Variants in ROBO2 observed in about 807,000 individuals in gnomAD.
ROBO2 encodes the protein roundabout guidance receptor 2.
A neutral mutation model predicts 160.8 loss-of-function variants in ROBO2; 53 were observed. That is an observed-to-expected ratio of 0.33 (90% CI 0.26 to 0.41). ROBO2 has a LOEUF of 0.41. Ranked by LOEUF, ROBO2 falls within the 10% of genes least tolerant of loss-of-function variation. ROBO2 has a pLI of 1.00. For synonymous variants in ROBO2, 664 were observed against 611.7 expected (o/e 1.09, Z -1.26); for missense variants, 1,577 against 1,722.4 (o/e 0.92, Z 1.49).
At chr3:75,916,447 C>G (rs1332148818) in intron 1 of ROBO2, among the ~76,000 whole-genome samples, 2 of 152,008 alleles carry the variant, frequency 1.3e-5, no homozygotes, top group Admixed American at 1.3e-4. Context: ...TGGTAGGCAA[C>G]AGAATGAAAA....
At chr3:76,579,053 C>T (rs1358790345) in intron 2 of ROBO2, among the ~76,000 whole-genome samples, 1 of 152,122 alleles carries the variant, frequency 6.6e-6, no homozygotes, top group South Asian at 2.1e-4. Context: ...ATTCTTCCCA[C>T]CTTACTTCGA....
chr3:76,245,070 A>G (rs952660182), intron 2 of ROBO2, among the ~76,000 whole-genome samples: 4 of 152,154 alleles, frequency 2.6e-5, no homozygotes, highest in Non-Finnish European at 5.9e-5. Context: ...TTCCTAAAAA[A>G]CTCTGAATTT....
intron 2 of ROBO2, among the ~76,000 whole-genome samples, chr3:77,342,829 T>C (rs961529463): frequency 1.1e-4 from 17 of 152,198 alleles, no homozygotes; most frequent in African/African-American, 4.1e-4. Context: ...TAGCACTGTG[T>C]TCCTCTTATT....
chr3:77,212,658 T>G (rs2084340614), intron 2 of ROBO2, among the ~76,000 whole-genome samples: 1 of 152,188 alleles, frequency 6.6e-6, no homozygotes. Flanking sequence ...GTGCCAGTTT[T>G]CAAAGGGAAT....
At chr3:75,971,221 A>G (rs1165068946) in intron 2 of ROBO2, among the ~76,000 whole-genome samples, 1 of 151,474 alleles carries the variant, frequency 6.6e-6, no homozygotes, top group Non-Finnish European at 1.5e-5. Flanking sequence ...TTATGGTTAA[A>G]TCATGTTCTT....
At chr3:77,192,080 T>G (rs1486204945) in intron 2 of ROBO2, among the ~76,000 whole-genome samples, 1 of 152,138 alleles carries the variant, frequency 6.6e-6, no homozygotes, top group Non-Finnish European at 1.5e-5. Flanking sequence ...AATGTAACAT[T>G]ATTTAGCGAA....
intron 2 of ROBO2, among the ~76,000 whole-genome samples, chr3:76,526,392 A>G (rs978019077): frequency 6.6e-6 from 1 of 151,976 alleles, no homozygotes; most frequent in Admixed American, 6.6e-5. Context: ...CATTTACAAG[A>G]TATTTTACCT....
chr3:76,282,279 A>G (rs1296089266), intron 2 of ROBO2, among the ~76,000 whole-genome samples: 4 of 151,962 alleles, frequency 2.6e-5, no homozygotes, highest in Admixed American at 2.6e-4. Context: ...TTTACTCTTT[A>G]GAAAATGCAC....
chr3:77,037,832 T>G (rs2063729789), upstream of ROBO2, among the ~76,000 whole-genome samples: 2 of 152,224 alleles, frequency 1.3e-5, no homozygotes, highest in Admixed American at 1.3e-4. Flanking sequence ...TGAACCATCT[T>G]AAAATTAAGG....
intron 1 of ROBO2, among the ~76,000 whole-genome samples, chr3:77,086,273 A>G (rs1429661068): frequency 2.0e-5 from 3 of 152,052 alleles, no homozygotes; most frequent in Admixed American, 6.6e-5. Flanking sequence ...GGGAACATTT[A>G]TTGAGTGCTT....
chr3:77,350,207 A>G (rs1207235804), intron 2 of ROBO2, among the ~76,000 whole-genome samples: 3 of 151,512 alleles, frequency 2.0e-5, no homozygotes, highest in Non-Finnish European at 4.4e-5. Context: ...CCAGGAGTTC[A>G]AGACCAGCCT....
intron 2 of ROBO2, among the ~76,000 whole-genome samples, chr3:76,953,664 A>G (rs2079081636): frequency 2.0e-5 from 3 of 152,176 alleles, no homozygotes; most frequent in Admixed American, 2.0e-4. Flanking sequence ...CTGGTTAAGC[A>G]AGTACAGGAT....
intron 2 of ROBO2, among the ~76,000 whole-genome samples, chr3:76,204,652 A>G (rs370736178): frequency 6.6e-6 from 1 of 152,206 alleles, no homozygotes; most frequent in Non-Finnish European, 1.5e-5. Context: ...TAAGTGAGCT[A>G]CAAGGAGAAT....
At chr3:77,549,595 A>G (rs980021153) in intron 7 of ROBO2, among the ~76,000 whole-genome samples, 4 of 152,030 alleles carry the variant, frequency 2.6e-5, no homozygotes, top group South Asian at 2.1e-4. Flanking sequence ...GTGGGCTTAT[A>G]GTGTCACACT....
intron 2 of ROBO2, among the ~76,000 whole-genome samples, chr3:76,712,542 G>T (rs963786815): frequency 6.6e-6 from 1 of 152,000 alleles, no homozygotes; most frequent in Non-Finnish European, 1.5e-5. Flanking sequence ...GGGTGTGGTG[G>T]TATGTGCCTG....
chr3:76,720,481 C>T (rs1318988194), intron 2 of ROBO2, among the ~76,000 whole-genome samples: 1 of 152,070 alleles, frequency 6.6e-6, no homozygotes, highest in Non-Finnish European at 1.5e-5. Flanking sequence ...CTTTCAGAGG[C>T]ATTTACTCTC....
chr3:77,005,347 T>C (rs2149437362), intron 2 of ROBO2, among the ~76,000 whole-genome samples: 1 of 152,306 alleles, frequency 6.6e-6, no homozygotes, highest in Non-Finnish European at 1.5e-5. Context: ...ACAGATTTGA[T>C]CCTATTATCC....
chr3:77,437,204 C>T (rs768508873), intron 2 of ROBO2, among the ~76,000 whole-genome samples: 1 of 151,924 alleles, frequency 6.6e-6, no homozygotes, highest in Non-Finnish European at 1.5e-5. Flanking sequence ...ATTCACTTGG[C>T]CTGCCAGCAT....
chr3:76,256,550 TA>T (rs1036709863), intron 2 of ROBO2, among the ~76,000 whole-genome samples: 2 of 151,626 alleles, frequency 1.3e-5, no homozygotes, highest in African/African-American at 4.8e-5. Context: ...CTACAAAAAA[TA>T]AAAGCAAAAA....
Sources: gnomAD v4.1 joint callset for allele counts (sites outside exome capture counted in the v4.1 genomes callset) on GRCh38, gnomAD v4.1.1 for gene constraint, MANE v1.5 for transcripts, NCBI Gene and HGNC (gene_info 2026-07-23, HGNC 2026-07-21) for gene names.